The following RGS8 variants were observed in gnomAD, a reference collection of about 807,000 sequenced individuals.
RGS8 encodes regulator of G-protein signaling 8.
RGS8 carries 8 observed loss-of-function variants against 21.7 expected under a neutral mutation model. The ratio of observed to expected loss-of-function variants is 0.37; its 90% CI spans 0.22 to 0.66. The LOEUF is 0.66. RGS8 is among the 30% of genes least tolerant of loss of function. RGS8 has a pLI of 0.59. For missense variants in RGS8, 157 were observed against 217.9 expected (o/e 0.72, Z 1.76); for synonymous variants, 80 against 83.6 (o/e 0.96, Z 0.24).
the RGS8 span, among the ~76,000 whole-genome samples, chr1:182,732,120 G>C: frequency 2.6e-5 from 4 of 152,072 alleles, no homozygotes; most frequent in African/African-American, 9.7e-5. Context: ...TGTTTTCCCA[G>C]ACTACACTTC....
At position 182,648,103 on chromosome 1, in the gene RGS8, T is replaced by C. The variant is rs370411541; in HGVS notation, c.360+34A>G. 159 of 1,566,936 alleles carry C rather than the reference T, an allele frequency of 1.0e-4. No homozygotes were observed. The African/African-American group carries it at 2.0e-3, about 20-fold the overall frequency. ...GGAGAGAAATGCAAGCTAGGAGCCA[T>C]GGATAGACAGGATGGTCGCCGCTGC... On this transcript the variant is annotated intron_variant, in intron 6 of 6. Coordinates refer to ENST00000483095, the Ensembl canonical transcript of RGS8.
chr1:182,650,629 G>A (rs972521293), intron 5 of RGS8, among the ~76,000 whole-genome samples: 4 of 152,196 alleles, frequency 2.6e-5, no homozygotes, highest in East Asian at 1.9e-4. Context: ...GGGAGGCTGA[G>A]GTGAACAGAC....
At chr1:182,713,687 T>C in the RGS8 span, among the ~76,000 whole-genome samples, 1 of 152,194 alleles carries the variant, frequency 6.6e-6, no homozygotes, top group Non-Finnish European at 1.5e-5. Flanking sequence ...AGTTGTGAGA[T>C]GCTGTTAGTA....
the RGS8 span, among the ~76,000 whole-genome samples, chr1:182,727,898 G>A: frequency 1.3e-5 from 2 of 152,036 alleles, no homozygotes; most frequent in Admixed American, 6.6e-5. Flanking sequence ...AATAACAAAT[G>A]TACATTTACA....
At chr1:182,711,855 T>C in the RGS8 span, among the ~76,000 whole-genome samples, 1 of 152,196 alleles carries the variant, frequency 6.6e-6, no homozygotes, top group African/African-American at 2.4e-5. Flanking sequence ...ATCATATTAA[T>C]CTCTGTTTTC....
intron 5 of RGS8, among the ~76,000 whole-genome samples, chr1:182,652,129 G>A (rs1663051202): frequency 6.6e-6 from 1 of 152,232 alleles, no homozygotes; most frequent in Non-Finnish European, 1.5e-5. Flanking sequence ...ACTCAGAAGA[G>A]CCTGTTGTTG....
intron 2 of RGS8, among the ~76,000 whole-genome samples, chr1:182,670,425 A>G (rs1383166613): frequency 6.6e-6 from 1 of 152,246 alleles, no homozygotes; most frequent in African/African-American, 2.4e-5. Context: ...GAGTGTGGGA[A>G]GACAGGGGTC....
chr1:182,662,313 C>T (rs1219798652), intron 5 of RGS8, among the ~76,000 whole-genome samples: 2 of 152,110 alleles, frequency 1.3e-5, no homozygotes, highest in Non-Finnish European at 1.5e-5. Context: ...CTGCAGGCAG[C>T]GCTGAGTCAA....
the RGS8 span, among the ~76,000 whole-genome samples, chr1:182,695,121 A>G: frequency 3.9e-5 from 6 of 152,184 alleles, no homozygotes; most frequent in Non-Finnish European, 8.8e-5. Flanking sequence ...ACGTGAAACA[A>G]TAACTGAGAA....
the RGS8 span, among the ~76,000 whole-genome samples, chr1:182,692,854 A>T: frequency 6.6e-6 from 1 of 152,174 alleles, no homozygotes; most frequent in Non-Finnish European, 1.5e-5. Flanking sequence ...TCTTTGAAAA[A>T]GCCCTCAAAA....
At chr1:182,672,805 T>C, upstream of RGS8, 1 of 1,614,128 alleles carries the variant, frequency 6.2e-7, no homozygotes. Context: ...CTTTCTTCTT[T>C]CAAACCTCCT....
chr1:182,665,854 C>CCA, intron 5 of RGS8, 115 bp downstream of exon 6: 1 of 769,714 alleles, frequency 1.3e-6, no homozygotes, highest in Non-Finnish European at 2.2e-6. Context: ...AGAGCGGGGC[C>CCA]CACAGAGGTC....
At chr1:182,653,990 C>A (rs1423366306) in intron 5 of RGS8, among the ~76,000 whole-genome samples, 1 of 139,966 alleles carries the variant, frequency 7.1e-6, no homozygotes, top group African/African-American at 2.7e-5. Context: ...ATTTAGGATG[C>A]GGGGCAAGGA....
chr1:182,693,663 A>G, the RGS8 span, among the ~76,000 whole-genome samples: 1 of 152,228 alleles, frequency 6.6e-6, no homozygotes, highest in African/African-American at 2.4e-5. Context: ...ATAAAGACAC[A>G]TGCACATGTG....
At chr1:182,665,895 A>T in intron 5 of RGS8, 74 bp downstream of exon 6, 1 of 1,329,436 alleles carries the variant, frequency 7.5e-7, no homozygotes, top group Non-Finnish European at 1.1e-6. Flanking sequence ...TGCCTGGATC[A>T]TCACAGGCCT....
At chr1:182,644,289 A>T (rs972917561), downstream of RGS8, 1 of 152,276 alleles carries the variant, frequency 6.6e-6, no homozygotes, top group African/African-American at 2.4e-5. Context: ...GCTCCACCCC[A>T]CGGGAAGATC....
the RGS8 span, among the ~76,000 whole-genome samples, chr1:182,741,215 G>A: frequency 0.018 from 2,529 of 141,106 alleles, 22 homozygotes; most frequent in Non-Finnish European, 0.027. Context: ...TGGACGGGGC[G>A]GCTGGCCGGG....
chr1:182,729,936 C>A, the RGS8 span, among the ~76,000 whole-genome samples: 29 of 152,252 alleles, frequency 1.9e-4, no homozygotes, highest in South Asian at 6.0e-3. Flanking sequence ...ATAACATAGG[C>A]CACGCTTGGC....
At chr1:182,747,054 T>TTTTTTTTTTTTTTTTTTTTG in the RGS8 span, among the ~76,000 whole-genome samples, 1 of 83,680 alleles carries the variant, frequency 1.2e-5, no homozygotes, top group Non-Finnish European at 2.3e-5. Flanking sequence ...TTTTTTTTTT[T>TTTTTTTTTTTTTTTTTTTTG]TTTTTTTTTT....
Sources: allele counts gnomAD v4.1 joint callset (sites outside exome capture counted in the v4.1 genomes callset), GRCh38; gene constraint gnomAD v4.1.1; transcripts MANE v1.5; gene names NCBI Gene and HGNC (gene_info 2026-07-23, HGNC 2026-07-21).